CCDC170: variants seen among roughly 807,000 people sequenced by gnomAD.
CCDC170 encodes the protein coiled-coil domain-containing protein 170.
Under a neutral mutation model 72.6 loss-of-function variants are expected in CCDC170, and 69 were observed. The ratio of observed to expected loss-of-function variants is 0.95; its 90% CI spans 0.78 to 1.16. CCDC170 has a LOEUF of 1.16. Ranked by LOEUF, CCDC170 falls within the 50% of genes most tolerant of loss-of-function variation. CCDC170 has a pLI of 0.00. For missense variants in CCDC170, 852 were observed against 832.5 expected (o/e 1.02, Z -0.29); for synonymous variants, 300 against 303.9 (o/e 0.99, Z 0.13).
intron 5 of CCDC170, among the ~76,000 whole-genome samples, chr6:151,557,281 C>T (rs921429107): frequency 5.3e-5 from 8 of 151,742 alleles, no homozygotes; most frequent in African/African-American, 1.7e-4. Flanking sequence ...TGGTGGTGCA[C>T]GCCTGTAGTC....
intron 3 of CCDC170, among the ~76,000 whole-genome samples, chr6:151,540,956 C>T (rs547963010): frequency 1.3e-5 from 2 of 152,294 alleles, no homozygotes; most frequent in East Asian, 3.9e-4. Context: ...GACTTCTGTT[C>T]TCATTCAGGG....
At chr6:151,552,026 GTTT>G (rs34498397) in intron 5 of CCDC170, among the ~76,000 whole-genome samples, 15 of 129,636 alleles carry the variant, frequency 1.2e-4, no homozygotes, top group East Asian at 2.2e-4. Flanking sequence ...TTAGTGTCAG[GTTT>G]TTTTTTTTTT....
At chr6:151,602,117 A>G (rs926832530) in intron 9 of CCDC170, among the ~76,000 whole-genome samples, 2 of 152,204 alleles carry the variant, frequency 1.3e-5, no homozygotes, top group African/African-American at 4.8e-5. Context: ...CCTAGGTTAT[A>G]TAAATCTTCT....
intron 1 of CCDC170, among the ~76,000 whole-genome samples, chr6:151,519,001 G>A (rs1175811200): frequency 6.6e-6 from 1 of 152,076 alleles, no homozygotes; most frequent in Non-Finnish European, 1.5e-5. Flanking sequence ...TCCTGATAAG[G>A]GTCTATGTTC....
At chr6:151,598,374 G>T (rs1338756107) in intron 9 of CCDC170, among the ~76,000 whole-genome samples, 1 of 152,274 alleles carries the variant, frequency 6.6e-6, no homozygotes, top group East Asian at 1.9e-4. Flanking sequence ...ACTAGTGAGG[G>T]ATATGGATGA....
intron 9 of CCDC170, among the ~76,000 whole-genome samples, chr6:151,601,236 T>A (rs73617521): frequency 0.029 from 4,402 of 152,226 alleles, 178 homozygotes; most frequent in African/African-American, 0.093. Context: ...GTAAAACTTA[T>A]TCACTATCAT....
chr6:151,585,863 T>C, intron 6 of CCDC170, 26 bp from the exon 7 acceptor site: 2 of 1,607,560 alleles, frequency 1.2e-6, no homozygotes, highest in Non-Finnish European at 1.7e-6. Flanking sequence ...ACAAGGCTTA[T>C]TCTTGATCTG....
intron 6 of CCDC170, among the ~76,000 whole-genome samples, chr6:151,582,592 G>T (rs147143068): frequency 6.6e-6 from 1 of 152,254 alleles, no homozygotes; most frequent in East Asian, 1.9e-4. Flanking sequence ...GAATACCTGA[G>T]GCTGAGTAAT....
rs139346058 is a variant in CCDC170 at position 151,554,858 on chromosome 6, C to T, written c.774+6369C>T. 1.1e-3 allele frequency among the ~76,000 whole-genome samples: 152 copies of T among 139,032 alleles called. 1 individual carries two copies. Among genetic ancestry groups the T allele is most frequent in the African/African-American group, 3.8e-3 (143 of 37,864 alleles). 91.2% of individuals were successfully genotyped at this position (139,032 alleles called of 152,430 possible). A position where few individuals can be genotyped will look rare whatever the true frequency, so the allele number is the denominator to read the frequency against. On this transcript the variant is annotated intron_variant, in intron 5 of 10. Transcript: ENST00000239374. ...TGTGATTGCAGGCACGTAGCTTGAT[C>T]TTTTTGGACCTCAGTTTTTTTTTTT...
At chr6:151,524,302 C>A (rs1011883008) in intron 1 of CCDC170, among the ~76,000 whole-genome samples, 1 of 152,182 alleles carries the variant, frequency 6.6e-6, no homozygotes, top group Non-Finnish European at 1.5e-5. Context: ...TGAGGACCCA[C>A]CCTAACTGTC....
chr6:151,586,604 T>A (rs1327550481), intron 7 of CCDC170, among the ~76,000 whole-genome samples: 3 of 151,494 alleles, frequency 2.0e-5, no homozygotes, highest in Non-Finnish European at 4.4e-5. Flanking sequence ...GCATAGTATA[T>A]TCAGAGGACG....
Position 151,620,472 on chromosome 6 carries a change from C to A in CCDC170, c.*2325C>A, listed in dbSNP as rs1340841112. On this transcript the variant is annotated 3_prime_UTR_variant, in exon 11 of 11. Coordinates refer to ENST00000239374, the MANE Select transcript of CCDC170 (RefSeq NM_025059.4). ...AGTCTTGAATTTCCTCTAGGGGAGG[C>A]CTGCAGTTTTCCCCACCAACCCCTT... is the stretch of plus-strand genomic sequence containing the variant. The A allele has an allele frequency of 6.6e-6, 1 of 152,400 alleles. No homozygotes were observed. The highest frequency in any genetic ancestry group is 1.5e-5 in the Non-Finnish European group (1 of 68,204). The allele number at this position is 152,400 out of a possible 1,614,324, so 9.4% of individuals were successfully genotyped here. A position where few individuals can be genotyped will look rare whatever the true frequency, so the allele number is the denominator to read the frequency against.
chr6:151,600,059 G>A (rs1047568214), intron 9 of CCDC170, among the ~76,000 whole-genome samples: 1 of 152,168 alleles, frequency 6.6e-6, no homozygotes, highest in African/African-American at 2.4e-5. Flanking sequence ...TCAAAGGAAT[G>A]TTAAGTCTTC....
At chr6:151,505,280 G>A (rs80089321) in intron 1 of CCDC170, among the ~76,000 whole-genome samples, 11,992 of 152,190 alleles carry the variant, frequency 0.079, 568 homozygotes, top group Middle Eastern at 0.14. Flanking sequence ...GAGGGCAGGC[G>A]GCATCTCAGC....
chr6:151,496,775 T>A (rs1582997223), intron 1 of CCDC170, among the ~76,000 whole-genome samples: 1 of 152,260 alleles, frequency 6.6e-6, no homozygotes, highest in Admixed American at 6.5e-5. Context: ...CACTCATCTG[T>A]GACATCTTGG....
At chr6:151,540,800 G>A (rs1466882164) in intron 3 of CCDC170, among the ~76,000 whole-genome samples, 1 of 152,050 alleles carries the variant, frequency 6.6e-6, no homozygotes, top group East Asian at 1.9e-4. Context: ...TGGGAATTAG[G>A]ACTTCAACAT....
At chr6:151,589,929 C>T (rs546744089) in intron 7 of CCDC170, among the ~76,000 whole-genome samples, 2 of 152,162 alleles carry the variant, frequency 1.3e-5, no homozygotes, top group Non-Finnish European at 2.9e-5. Flanking sequence ...GTGGGGTCTG[C>T]GGTGATTACG....
At chr6:151,518,746 G>C (rs116091216) in intron 1 of CCDC170, among the ~76,000 whole-genome samples, 1 of 152,202 alleles carries the variant, frequency 6.6e-6, no homozygotes, top group East Asian at 1.9e-4. Flanking sequence ...GAATTTTACA[G>C]CTGGGCCTCC....
chr6:151,593,427 C>A, intron 8 of CCDC170, 147 bp downstream of exon 8: 1 of 876,482 alleles, frequency 1.1e-6, no homozygotes, highest in Non-Finnish European at 1.7e-6. Context: ...GGCTCAATTT[C>A]AAGTCTGAAG....
Sources: allele counts gnomAD v4.1 joint callset (sites outside exome capture counted in the v4.1 genomes callset), GRCh38; gene constraint gnomAD v4.1.1; transcripts MANE v1.5; gene names NCBI Gene and HGNC (gene_info 2026-07-23, HGNC 2026-07-21).